ASH1L: variants seen among roughly 807,000 people sequenced by gnomAD.
The protein encoded by ASH1L is ASH1 like histone lysine methyltransferase, also known as histone-lysine N-methyltransferase ASH1L.
ASH1L carries 23 observed loss-of-function variants against 269.0 expected under a neutral mutation model. That is an observed-to-expected ratio of 0.09 (90% CI 0.06 to 0.12). The LOEUF is 0.12. Ranked by LOEUF, ASH1L falls within the 10% of genes least tolerant of loss-of-function variation. The pLI is 1.00. For missense variants in ASH1L, 2,912 were observed against 3,567.8 expected (o/e 0.82, Z 4.68); for synonymous variants, 1,187 against 1,253.5 (o/e 0.95, Z 1.12).
At chr1:155,359,803 C>T (rs1654776854) in intron 13 of ASH1L, among the ~76,000 whole-genome samples, 1 of 151,978 alleles carries the variant, frequency 6.6e-6, no homozygotes, top group Admixed American at 6.6e-5. Context: ...GTCTTGAACT[C>T]CCAGACTACA....
At chr1:155,468,436 T>C (rs1411636091) in intron 3 of ASH1L, among the ~76,000 whole-genome samples, 1 of 152,104 alleles carries the variant, frequency 6.6e-6, no homozygotes, top group Non-Finnish European at 1.5e-5. Context: ...GTAAATTAAG[T>C]TCCACCTCCT....
chr1:155,562,714 C>G lies in ASH1L; in HGVS notation c.-661G>C, dbSNP rs1254579973. On this transcript the variant is annotated 5_prime_UTR_variant, in exon 1 of 28. Transcript: ENST00000392403. Reference sequence around the variant, plus strand: ...ACGCGCTCACCCACAGGAACCCCCTCGTCCAGTCCCTCACTACCCCTCAGG... The same window carrying G: ...ACGCGCTCACCCACAGGAACCCCCTGGTCCAGTCCCTCACTACCCCTCAGG... 1 of 1,447,946 alleles carries G rather than the reference C, an allele frequency of 6.9e-7. No individual in the cohort carries two copies. Among genetic ancestry groups the G allele is most frequent in the Non-Finnish European group, 9.3e-7 (1 of 1,071,436 alleles). The allele number at this position is 1,447,946 out of a possible 1,614,324, so 89.7% of individuals were successfully genotyped here.
chr1:155,519,211 G>A (rs1571046525), intron 2 of ASH1L, among the ~76,000 whole-genome samples: 1 of 152,092 alleles, frequency 6.6e-6, no homozygotes, highest in Non-Finnish European at 1.5e-5. Context: ...GAGGTGGGCG[G>A]ATCACCTGAG....
chr1:155,538,641 C>T (rs1278334551), intron 1 of ASH1L, among the ~76,000 whole-genome samples: 6 of 107,978 alleles, frequency 5.6e-5, no homozygotes, highest in Middle Eastern at 6.8e-3. Context: ...TGTACCCAGC[C>T]TTTTTTTTTT....
intron 22 of ASH1L, 73 bp downstream of exon 22, chr1:155,344,110 T>C (rs1019185506): frequency 1.5e-6 from 2 of 1,318,980 alleles, no homozygotes; most frequent in Non-Finnish European, 2.2e-6. Context: ...ATGACTATGA[T>C]GGAGACAGCA....
intron 4 of ASH1L, among the ~76,000 whole-genome samples, chr1:155,456,806 T>G (rs1215559233): frequency 6.6e-6 from 1 of 151,390 alleles, no homozygotes; most frequent in Non-Finnish European, 1.5e-5. Flanking sequence ...ATTCTTCATA[T>G]TGTAATGTTA....
intron 4 of ASH1L, among the ~76,000 whole-genome samples, chr1:155,447,086 T>C (rs946576767): frequency 2.6e-5 from 4 of 152,224 alleles, no homozygotes; most frequent in African/African-American, 9.6e-5. Flanking sequence ...GACTTCCCTA[T>C]AATGCTGAAT....
chr1:155,510,307 A>T (rs1668083299), intron 2 of ASH1L, among the ~76,000 whole-genome samples: 1 of 151,014 alleles, frequency 6.6e-6, no homozygotes, highest in African/African-American at 2.4e-5. Flanking sequence ...CCAGCTACTC[A>T]AGAGGCTGAG....
At position 155,507,329 on chromosome 1, in the gene ASH1L, G is replaced by A. The variant is rs188174928; in HGVS notation, c.420+13771C>T. ...TGAAATTCAAAATTATTTCTTCAAC[G>A]AACTGCTTCTTAAATCTATTAAGAT... On this transcript the variant is annotated intron_variant, in intron 2 of 27. Transcript: ENST00000392403. Among the ~76,000 whole-genome samples, 43 of 150,036 alleles carry A rather than the reference G, an allele frequency of 2.9e-4. 1 individual carries two copies. Among genetic ancestry groups the A allele is most frequent in the Admixed American group, 2.5e-3 (37 of 15,068 alleles).
intron 7 of ASH1L, among the ~76,000 whole-genome samples, chr1:155,394,849 T>C (rs187751525): frequency 2.6e-5 from 4 of 152,320 alleles, no homozygotes; most frequent in African/African-American, 7.2e-5. Context: ...TTTTTGAACG[T>C]GGAAAATATT....
chr1:155,543,066 C>T (rs1347583619), intron 1 of ASH1L, among the ~76,000 whole-genome samples: 1 of 151,942 alleles, frequency 6.6e-6, no homozygotes, highest in Non-Finnish European at 1.5e-5. Context: ...CTTTAAATTA[C>T]TATATATGAA....
chr1:155,426,881 T>A (rs1661200097), intron 5 of ASH1L, among the ~76,000 whole-genome samples: 1 of 152,178 alleles, frequency 6.6e-6, no homozygotes, highest in Non-Finnish European at 1.5e-5. Flanking sequence ...GGGAGTTGAT[T>A]TTTTGTATAG....
At chr1:155,422,194 G>A (rs781028656) in intron 5 of ASH1L, among the ~76,000 whole-genome samples, 9 of 151,680 alleles carry the variant, frequency 5.9e-5, no homozygotes, top group Non-Finnish European at 1.3e-4. Flanking sequence ...CTGGAGTGCA[G>A]TGGCACGATC....
At chr1:155,398,474 A>C (rs1050945364) in intron 6 of ASH1L, among the ~76,000 whole-genome samples, 1 of 152,228 alleles carries the variant, frequency 6.6e-6, no homozygotes, top group Admixed American at 6.5e-5. Context: ...ATTTCTAAAC[A>C]TAAGAAAGAT....
intron 1 of ASH1L, among the ~76,000 whole-genome samples, chr1:155,522,519 T>G (rs766978421): frequency 2.0e-5 from 3 of 152,184 alleles, no homozygotes; most frequent in Non-Finnish European, 4.4e-5. Flanking sequence ...ATAGTAGGCA[T>G]GTGTCAATTC....
intron 5 of ASH1L, among the ~76,000 whole-genome samples, chr1:155,427,313 CTTT>C (rs553045499): frequency 4.9e-5 from 7 of 141,606 alleles, no homozygotes. Context: ...TTTAATTTTT[CTTT>C]TTTTTTTTGA....
intron 1 of ASH1L, among the ~76,000 whole-genome samples, chr1:155,546,263 G>A (rs1670814202): frequency 1.3e-5 from 2 of 151,350 alleles, no homozygotes; most frequent in South Asian, 2.1e-4. Context: ...CTCAGGAGGC[G>A]GAGCTTGCAA....
At chr1:155,460,162 C>T (rs904303777) in intron 3 of ASH1L, among the ~76,000 whole-genome samples, 1 of 152,038 alleles carries the variant, frequency 6.6e-6, no homozygotes, top group African/African-American at 2.4e-5. Flanking sequence ...GAAGAATAAA[C>T]AAGATATGAT....
chr1:155,508,531 C>T lies in ASH1L; in HGVS notation c.420+12569G>A, dbSNP rs1008798200. Among the ~76,000 whole-genome samples the T allele has an allele frequency of 1.3e-4, 20 of 152,228 alleles. 1 individual carries two copies. In the Middle Eastern group the frequency reaches 0.014, roughly 104 times the overall value. The stretch of plus-strand genomic sequence containing the variant: ...GCATTCACCTGTAATCCCAGCTACT[C>T]AGGAGGCTGAGGCACAAGAATCACT... On this transcript the variant is annotated intron_variant, in intron 2 of 27. Coordinates refer to ENST00000392403, the MANE Select transcript of ASH1L (RefSeq NM_018489.3).
Sources: allele counts gnomAD v4.1 joint callset (sites outside exome capture counted in the v4.1 genomes callset), GRCh38; gene constraint gnomAD v4.1.1; transcripts MANE v1.5; gene names NCBI Gene and HGNC (gene_info 2026-07-23, HGNC 2026-07-21).